Variants in TNR observed in about 807,000 individuals in gnomAD.
The protein encoded by TNR is tenascin R.
A neutral mutation model predicts 150.4 loss-of-function variants in TNR; 45 were observed. The ratio of observed to expected loss-of-function variants is 0.30; its 90% CI spans 0.24 to 0.38. The LOEUF (loss-of-function observed/expected upper bound fraction) is 0.38. TNR is among the 10% of genes least tolerant of loss of function. TNR has a pLI of 1.00. For missense variants in TNR, 1,544 were observed against 1,759.1 expected (o/e 0.88, Z 2.19); for synonymous variants, 687 against 678.4 (o/e 1.01, Z -0.20).
chr1:175,415,145 CT>C (rs35109798), intron 2 of TNR, among the ~76,000 whole-genome samples: 34,861 of 136,944 alleles, frequency 0.25, 3,906 homozygotes, highest in African/African-American at 0.28. Context: ...TTTTTTTGTG[CT>C]TTTTTTTTTT....
At position 175,530,795 on chromosome 1, in the gene TNR, CT is replaced by C. The variant is rs199935705; in HGVS notation, c.-164-2427del. 5.1e-3 allele frequency among the ~76,000 whole-genome samples: 781 copies of C among 152,246 alleles called. 8 individuals carry two copies. The highest frequency in any genetic ancestry group is 0.017 in the African/African-American group (719 of 41,544). On this transcript the variant is annotated intron_variant, in intron 1 of 22. Transcript: ENST00000367674. The stretch of plus-strand genomic sequence containing the variant: ...TGAACTATCCACATTACCTCGGCCC[CT>C]GTGTTGGCAGCATGGAGTACATCCT...
At chr1:175,531,952 C>T (rs1247207006) in intron 1 of TNR, among the ~76,000 whole-genome samples, 1 of 152,214 alleles carries the variant, frequency 6.6e-6, no homozygotes, top group Non-Finnish European at 1.5e-5. Context: ...CTCTGTTGAC[C>T]TCAATCACAG....
chr1:175,401,872 G>C (rs907769058), intron 4 of TNR, among the ~76,000 whole-genome samples: 1 of 152,238 alleles, frequency 6.6e-6, no homozygotes, highest in Admixed American at 6.5e-5. Context: ...ATCCCAGTGG[G>C]CTCTCTGAGC....
intron 1 of TNR, among the ~76,000 whole-genome samples, chr1:175,650,813 C>CCTCCT (rs1558054768): frequency 7.4e-3 from 28 of 3,804 alleles, no homozygotes; most frequent in South Asian, 0.022. Flanking sequence ...TACTACCTGT[C>CCTCCT]CCCCACCTCC....
intron 1 of TNR, among the ~76,000 whole-genome samples, chr1:175,620,624 G>A (rs1420585247): frequency 1.3e-5 from 2 of 152,190 alleles, no homozygotes; most frequent in African/African-American, 4.8e-5. Flanking sequence ...AAGCCTGTAT[G>A]ATTGGGCAGA....
intron 22 of TNR, 24 bp from the exon 23 acceptor site, chr1:175,323,500 G>A: frequency 6.2e-7 from 1 of 1,611,928 alleles, no homozygotes; most frequent in Non-Finnish European, 8.5e-7. Context: ...AGATAAGCAT[G>A]TCAGGTCATC....
At chr1:175,611,366 TC>T (rs533443560) in intron 1 of TNR, among the ~76,000 whole-genome samples, 14 of 152,256 alleles carry the variant, frequency 9.2e-5, no homozygotes, top group Non-Finnish European at 1.8e-4. Flanking sequence ...GGGGTCTTGC[TC>T]TGTTGCCCAG....
At chr1:175,328,703 T>C (rs528978594) in intron 21 of TNR, among the ~76,000 whole-genome samples, 141 of 152,202 alleles carry the variant, frequency 9.3e-4, no homozygotes, top group African/African-American at 3.3e-3. Context: ...TAGCGCACAG[T>C]CCAACTGTTC....
rs116778818 is a variant in TNR at position 175,698,954 on chromosome 1, A to G, written c.-165+44272T>C. ...TGTCAGCAGAAAAACAATATGATCT[A>G]ATTTGATCACTCTGGCTGCTGTGTT... On this transcript the variant is annotated intron_variant, in intron 1 of 22. Coordinates refer to ENST00000367674, the MANE Select transcript of TNR (RefSeq NM_003285.3). Among the ~76,000 whole-genome samples the G allele has an allele frequency of 5.7e-3, 870 of 152,304 alleles. 9 individuals carry two copies. The highest frequency in any genetic ancestry group is 0.02 in the African/African-American group (827 of 41,558).
chr1:175,396,994 A>G (rs772569109), intron 4 of TNR, among the ~76,000 whole-genome samples, 187 bp from the exon 5 acceptor site: 11 of 152,230 alleles, frequency 7.2e-5, no homozygotes, highest in African/African-American at 9.6e-5. Context: ...TAGTACCCCA[A>G]TCTCTATAAG....
intron 1 of TNR, among the ~76,000 whole-genome samples, chr1:175,625,282 C>T (rs1421004421): frequency 1.3e-5 from 2 of 152,174 alleles, no homozygotes; most frequent in Non-Finnish European, 2.9e-5. Flanking sequence ...AATATCCCTT[C>T]CTAAGTGCCA....
chr1:175,459,871 AAGAGAG>A (rs3030939), intron 2 of TNR, among the ~76,000 whole-genome samples: 4 of 150,720 alleles, frequency 2.7e-5, no homozygotes, highest in African/African-American at 9.8e-5. Flanking sequence ...ATGAAAGAAC[AAGAGAG>A]AGAGAGAGAG....
chr1:175,698,201 C>T (rs962350193), intron 1 of TNR, among the ~76,000 whole-genome samples: 2 of 152,118 alleles, frequency 1.3e-5, no homozygotes, highest in African/African-American at 2.4e-5. Flanking sequence ...AGACAACGAA[C>T]AGTCAAACAT....
At chr1:175,505,276 G>C (rs1319833504) in intron 2 of TNR, among the ~76,000 whole-genome samples, 1 of 152,220 alleles carries the variant, frequency 6.6e-6, no homozygotes, top group East Asian at 1.9e-4. Context: ...CTCCCCTGCA[G>C]AACTCTTTCC....
intron 1 of TNR, among the ~76,000 whole-genome samples, chr1:175,625,101 A>G (rs1281794469): frequency 6.6e-6 from 1 of 152,138 alleles, no homozygotes; most frequent in Non-Finnish European, 1.5e-5. Flanking sequence ...GGAAGAAGGG[A>G]CCTCTACTTA....
At chr1:175,553,817 A>ACACACACACACACAC (rs1553238669) in intron 1 of TNR, among the ~76,000 whole-genome samples, 26 of 145,390 alleles carry the variant, frequency 1.8e-4, no homozygotes, top group South Asian at 6.7e-4. Flanking sequence ...TACAAGAACA[A>ACACACACACACACAC]ACACACACAC....
At chr1:175,634,845 T>A (rs1230316095) in intron 1 of TNR, among the ~76,000 whole-genome samples, 1 of 152,196 alleles carries the variant, frequency 6.6e-6, no homozygotes, top group African/African-American at 2.4e-5. Context: ...TTATAATTTA[T>A]ACAGTGCTAC....
intron 1 of TNR, among the ~76,000 whole-genome samples, chr1:175,558,138 G>C (rs1290850868): frequency 2.6e-5 from 3 of 115,682 alleles, no homozygotes; most frequent in Non-Finnish European, 5.2e-5. Context: ...GGGGGGAGGG[G>C]GGAGGGATAG....
At position 175,462,030 on chromosome 1, in the gene TNR, T is replaced by C. The variant is rs978288600; in HGVS notation, c.-63-55253A>G. Among the ~76,000 whole-genome samples the C allele has an allele frequency of 2.6e-5, 4 of 152,334 alleles. No individual in the cohort carries two copies. In the South Asian group the frequency reaches 8.3e-4, roughly 32 times the overall value. On this transcript the variant is annotated intron_variant, in intron 2 of 22. Coordinates refer to ENST00000367674, the MANE Select transcript of TNR (RefSeq NM_003285.3). ...ATGTAATATGCCTATAATGTAGAGT[T>C]GTTTTGAGACTCAAATGAGATCCTA...
Sources: gnomAD v4.1 joint callset for allele counts (sites outside exome capture counted in the v4.1 genomes callset) on GRCh38, gnomAD v4.1.1 for gene constraint, MANE v1.5 for transcripts, NCBI Gene and HGNC (gene_info 2026-07-23, HGNC 2026-07-21) for gene names.